The following CCDC30 variants were observed in gnomAD, a reference collection of about 807,000 sequenced individuals.
CCDC30 encodes coiled-coil domain containing 30.
In CCDC30, 70 loss-of-function variants were observed where a neutral mutation model predicts 100.2. The ratio of observed to expected loss-of-function variants is 0.70; its 90% CI spans 0.58 to 0.85. CCDC30 has a LOEUF of 0.85. CCDC30 is among the 40% of genes least tolerant of loss of function. The pLI is 0.00. For missense variants in CCDC30, 652 were observed against 771.2 expected (o/e 0.85, Z 1.83); for synonymous variants, 233 against 269.5 (o/e 0.86, Z 1.33).
At chr1:42,552,608 T>TA (rs199664583) in intron 6 of CCDC30, among the ~76,000 whole-genome samples, 8 of 151,862 alleles carry the variant, frequency 5.3e-5, no homozygotes, top group African/African-American at 1.5e-4. Flanking sequence ...GGAAAAATTT[T>TA]AAAAAAAATT....
intron 8 of CCDC30, among the ~76,000 whole-genome samples, chr1:42,578,848 T>C (rs1645899440): frequency 6.6e-6 from 1 of 152,018 alleles, no homozygotes; most frequent in Admixed American, 6.6e-5. Flanking sequence ...AAAAAATAAA[T>C]TGTATATGTA....
chr1:42,503,755 A>G (rs781646877), intron 6 of CCDC30, among the ~76,000 whole-genome samples: 4 of 152,172 alleles, frequency 2.6e-5, no homozygotes, highest in African/African-American at 7.2e-5. Flanking sequence ...GCTGCTTTTC[A>G]TTAAAATTAA....
chr1:42,581,579 A>G (rs879683943), intron 9 of CCDC30, 65 bp downstream of exon 13: 2 of 1,436,588 alleles, frequency 1.4e-6, no homozygotes, highest in Admixed American at 2.2e-5. Context: ...CAGCAATATC[A>G]ATTTTTTCTA....
At chr1:42,465,603 G>A (rs1449180685) in intron 1 of CCDC30, among the ~76,000 whole-genome samples, 1 of 152,126 alleles carries the variant, frequency 6.6e-6, no homozygotes, top group Non-Finnish European at 1.5e-5. Context: ...GACCCCAGGT[G>A]ATCCGCCCAC....
intron 6 of CCDC30, among the ~76,000 whole-genome samples, chr1:42,501,143 A>AT (rs757102471): frequency 6.6e-6 from 1 of 152,154 alleles, no homozygotes; most frequent in Non-Finnish European, 1.5e-5. Flanking sequence ...TTTCTTCTAA[A>AT]TTTTTTATAG....
Position 42,541,251 on chromosome 1 carries a change from G to A in CCDC30, c.457-25045G>A, listed in dbSNP as rs1280484725. On this transcript the variant is annotated intron_variant, in intron 6 of 16. Transcript: ENST00000668663. The stretch of plus-strand genomic sequence containing the variant: ...ACATGGCCAACAGCAAAGAGAGAGA[G>A]AGAGTGCAAGCTTTTTCCTGTCTCT... 3.3e-4 allele frequency among the ~76,000 whole-genome samples: 51 copies of A among 152,318 alleles called. No homozygotes were observed. In the South Asian group the frequency reaches 7.3e-3, roughly 22 times the overall value.
At chr1:42,520,060 AG>A (rs1388961790) in intron 6 of CCDC30, among the ~76,000 whole-genome samples, 2 of 152,076 alleles carry the variant, frequency 1.3e-5, no homozygotes, top group Admixed American at 6.5e-5. Flanking sequence ...CAAAGAACAA[AG>A]CTTTTTGTAT....
chr1:42,640,262 G>A (rs1211654580), intron 12 of CCDC30, among the ~76,000 whole-genome samples: 1 of 152,166 alleles, frequency 6.6e-6, no homozygotes, highest in East Asian at 1.9e-4. Context: ...TGAGACTTCT[G>A]TTGTGACCAC....
intron 6 of CCDC30, among the ~76,000 whole-genome samples, chr1:42,524,336 A>G (rs1354887391): frequency 6.6e-6 from 1 of 152,032 alleles, no homozygotes; most frequent in Non-Finnish European, 1.5e-5. Context: ...CCTTTCCCTT[A>G]TCATATGCAG....
chr1:42,493,372 G>A (rs755651049), intron 4 of CCDC30, among the ~76,000 whole-genome samples: 6 of 151,696 alleles, frequency 4.0e-5, no homozygotes, highest in Non-Finnish European at 8.8e-5. Context: ...GGTGGATCAC[G>A]AGGTCAAGAG....
intron 6 of CCDC30, among the ~76,000 whole-genome samples, chr1:42,515,296 G>A (rs905921216): frequency 6.6e-6 from 1 of 151,958 alleles, no homozygotes; most frequent in African/African-American, 2.4e-5. Context: ...AAGGAATATG[G>A]CCCTACTAAT....
chr1:42,598,317 G>A (rs1405352109), intron 10 of CCDC30, among the ~76,000 whole-genome samples: 2 of 151,564 alleles, frequency 1.3e-5, no homozygotes, highest in African/African-American at 4.8e-5. Context: ...AGGAGTTCAA[G>A]ATCAGTCTGG....
chr1:42,633,976 C>G (rs1196237729), intron 11 of CCDC30, among the ~76,000 whole-genome samples: 6 of 151,996 alleles, frequency 3.9e-5, no homozygotes, highest in Non-Finnish European at 5.9e-5. Flanking sequence ...AGGGGAAAAA[C>G]CCCTTATAAA....
At position 42,514,169 on chromosome 1, in the gene CCDC30, A is replaced by G. The variant is rs549439101; in HGVS notation, c.456+15253A>G. Among the ~76,000 whole-genome samples, 44 of 152,268 alleles carry G rather than the reference A, an allele frequency of 2.9e-4. 1 individual carries two copies. The highest frequency in any genetic ancestry group is 1.0e-3 in the African/African-American group (42 of 41,564). On this transcript the variant is annotated intron_variant, in intron 6 of 16. Transcript: ENST00000668663. Reference sequence around the variant, plus strand: ...ATCAATTGGACATTTGATAGTTTCTACTTTGTGATTATTATGAATAATTCT... The same window carrying G: ...ATCAATTGGACATTTGATAGTTTCTGCTTTGTGATTATTATGAATAATTCT...
chr1:42,528,241 A>C (rs1448617154), intron 6 of CCDC30, among the ~76,000 whole-genome samples: 3 of 152,318 alleles, frequency 2.0e-5, no homozygotes, highest in African/African-American at 7.2e-5. Context: ...TAGCTCTGAT[A>C]AGTTGTCTTC....
chr1:42,457,205 G>A, the CCDC30 span: 3 of 1,612,324 alleles, frequency 1.9e-6, no homozygotes, highest in South Asian at 1.1e-5. Flanking sequence ...ATCCTATATC[G>A]TACCTCGCCG....
chr1:42,473,332 G>A, intron 1 of CCDC30: 1 of 1,156,566 alleles, frequency 8.6e-7, no homozygotes, highest in South Asian at 4.4e-5. Flanking sequence ...GAATTTTAAA[G>A]ACACCTGTGA....
intron 6 of CCDC30, among the ~76,000 whole-genome samples, chr1:42,539,638 G>T (rs900512974): frequency 2.1e-4 from 32 of 152,044 alleles, no homozygotes; most frequent in African/African-American, 7.7e-4. Context: ...TAAAAATTTA[G>T]GATCAAAGCA....
At chr1:42,462,879 G>A (rs1643447850), upstream of CCDC30, among the ~76,000 whole-genome samples, 1 of 152,148 alleles carries the variant, frequency 6.6e-6, no homozygotes, top group Non-Finnish European at 1.5e-5. Context: ...TGCCCCACGT[G>A]GCTAGTGACA....
Sources: allele counts gnomAD v4.1 joint callset (sites outside exome capture counted in the v4.1 genomes callset), GRCh38; gene constraint gnomAD v4.1.1; transcripts MANE v1.5; gene names NCBI Gene and HGNC (gene_info 2026-07-23, HGNC 2026-07-21).